CCDC178: variants seen among roughly 807,000 people sequenced by gnomAD.
CCDC178 encodes coiled-coil domain containing 178.
A neutral mutation model predicts 117.4 loss-of-function variants in CCDC178; 126 were observed. The ratio of observed to expected loss-of-function variants is 1.07; its 90% CI spans 0.93 to 1.24. CCDC178 has a LOEUF of 1.24. Ranked by LOEUF, CCDC178 falls within the 50% of genes most tolerant of loss-of-function variation. The pLI, the probability that CCDC178 is intolerant of heterozygous loss-of-function variation, is 0.00. For synonymous variants in CCDC178, 283 were observed against 313.4 expected (o/e 0.90, Z 1.02); for missense variants, 1,030 against 986.9 (o/e 1.04, Z -0.59).
At chr18:32,991,280 AG>A (rs1243832417) in intron 21 of CCDC178, among the ~76,000 whole-genome samples, 1 of 152,186 alleles carries the variant, frequency 6.6e-6, no homozygotes, top group Non-Finnish European at 1.5e-5. Context: ...CAAATTAAAC[AG>A]TTAAATTTAG....
chr18:33,385,811 GCAAA>G (rs1284319843), intron 5 of CCDC178, among the ~76,000 whole-genome samples: 1 of 152,064 alleles, frequency 6.6e-6, no homozygotes, highest in African/African-American at 2.4e-5. Context: ...AGAACAAAGA[GCAAA>G]CAAACTCCAG....
chr18:33,308,426 G>C (rs1244109856), intron 11 of CCDC178, among the ~76,000 whole-genome samples: 1 of 152,174 alleles, frequency 6.6e-6, no homozygotes, highest in Non-Finnish European at 1.5e-5. Context: ...TGTCTAGGGA[G>C]TAACTAACTT....
intron 12 of CCDC178, among the ~76,000 whole-genome samples, chr18:33,291,417 A>G (rs1307100480): frequency 1.3e-5 from 2 of 152,126 alleles, no homozygotes; most frequent in Non-Finnish European, 2.9e-5. Flanking sequence ...GCAGGTTTTC[A>G]CAGAAAAGGA....
intron 20 of CCDC178, among the ~76,000 whole-genome samples, chr18:33,127,264 C>T (rs1471838030): frequency 6.6e-6 from 1 of 151,864 alleles, no homozygotes; most frequent in Non-Finnish European, 1.5e-5. Flanking sequence ...GTGGAGATCA[C>T]TTTCATAGTA....
intron 20 of CCDC178, among the ~76,000 whole-genome samples, chr18:33,174,449 C>A (rs2058639955): frequency 6.6e-6 from 1 of 152,086 alleles, no homozygotes; most frequent in Admixed American, 6.6e-5. Flanking sequence ...AGAGCATGGG[C>A]TCTTAAATGT....
chr18:33,324,420 G>T (rs980847792), intron 10 of CCDC178, among the ~76,000 whole-genome samples: 1 of 151,760 alleles, frequency 6.6e-6, no homozygotes, highest in Admixed American at 6.6e-5. Context: ...TTCTTCAAAC[G>T]TACTGTTAAA....
intron 20 of CCDC178, among the ~76,000 whole-genome samples, chr18:33,135,388 TTAAAA>T (rs2058112406): frequency 6.6e-6 from 1 of 152,162 alleles, no homozygotes; most frequent in African/African-American, 2.4e-5. Context: ...AAAATATAAA[TTAAAA>T]TCTGTCTGAT....
chr18:33,320,322 A>T (rs1417314482), intron 11 of CCDC178, among the ~76,000 whole-genome samples: 2 of 152,224 alleles, frequency 1.3e-5, no homozygotes, highest in Non-Finnish European at 2.9e-5. Flanking sequence ...TGCAGACGAC[A>T]TGATTGTATA....
chr18:33,087,203 T>C (rs986579592), intron 21 of CCDC178, among the ~76,000 whole-genome samples: 1 of 152,192 alleles, frequency 6.6e-6, no homozygotes. Context: ...GCATGAAAGA[T>C]ACATAAATTG....
rs1213637087 is a variant in CCDC178, at chr18:33,112,743, A to G, written c.2239-19833T>C. 2.0e-5 allele frequency among the ~76,000 whole-genome samples: 3 copies of G among 151,858 alleles called. No individual in the cohort carries two copies. In the East Asian group the frequency reaches 5.9e-4, roughly 30 times the overall value. ...GAACAAGATCAGCACTTGGGCTCCA[A>G]TCATCTTCCCTATTATTATCACTCC... is the stretch of plus-strand genomic sequence containing the variant. On this transcript the variant is annotated intron_variant, in intron 20 of 22. Transcript: ENST00000383096.
At position 33,293,287 on chromosome 18, in the gene CCDC178, G is replaced by C. The variant is rs1268614261; in HGVS notation, c.1048C>G (p.Leu350Val). The change falls in exon 12 of 23, where the codon CTA becomes GTA. Residue 350 changes from leucine (L) to valine (V), a missense_variant. Transcript: ENST00000383096. ...YKREIYQLNSLFDHYSSSVIN... is the reference protein window; with the variant it reads ...YKREIYQLNSVFDHYSSSVIN... The stretch of plus-strand genomic sequence containing the variant: ...ACTGATGAAGAGTAATGATCAAATA[G>C]ACTGTTAAGTTGATATATCTCTCTC... The C allele has an allele frequency of 2.0e-6, 3 of 1,526,264 alleles. 1 individual carries two copies. In the South Asian group the frequency reaches 3.5e-5, roughly 18 times the overall value. The allele number at this position is 1,526,264 out of a possible 1,614,324, so 94.5% of individuals were successfully genotyped here.
intron 20 of CCDC178, among the ~76,000 whole-genome samples, chr18:33,209,212 TA>T (rs1489710844): frequency 2.0e-5 from 3 of 152,038 alleles, no homozygotes; most frequent in Non-Finnish European, 2.9e-5. Flanking sequence ...ATGACATTAT[TA>T]AAAAATCTAC....
At chr18:33,146,994 C>A (rs1598930859) in intron 20 of CCDC178, among the ~76,000 whole-genome samples, 2 of 152,168 alleles carry the variant, frequency 1.3e-5, no homozygotes, top group African/African-American at 4.8e-5. Flanking sequence ...AACTGTGAAG[C>A]CCTGATCCTG....
intron 20 of CCDC178, among the ~76,000 whole-genome samples, chr18:33,195,111 T>A: frequency 8.0e-6 from 1 of 125,592 alleles, no homozygotes; most frequent in African/African-American, 3.4e-5. Context: ...AGCAAGGCAC[T>A]GTCTCTTAAA....
chr18:32,966,163 T>G (rs2054809592), intron 22 of CCDC178, among the ~76,000 whole-genome samples: 2 of 151,790 alleles, frequency 1.3e-5, no homozygotes, highest in Admixed American at 1.3e-4. Flanking sequence ...ATTTTGGATA[T>G]TTACTTTTAT....
intron 20 of CCDC178, among the ~76,000 whole-genome samples, chr18:33,125,647 C>T (rs144117274): frequency 9.7e-4 from 147 of 152,208 alleles, no homozygotes; most frequent in Admixed American, 1.6e-3. Flanking sequence ...ATAGATCTTA[C>T]CTCTAGTAGA....
At chr18:33,212,260 G>T (rs1452938271) in intron 19 of CCDC178, among the ~76,000 whole-genome samples, 1 of 151,962 alleles carries the variant, frequency 6.6e-6, no homozygotes, top group Non-Finnish European at 1.5e-5. Context: ...ATCTATGGAA[G>T]AACAGTGTAT....
chr18:33,132,067 G>T (rs574669458), intron 20 of CCDC178, among the ~76,000 whole-genome samples: 1 of 143,532 alleles, frequency 7.0e-6, no homozygotes, highest in East Asian at 2.1e-4. Context: ...ATTTTTTAAC[G>T]ACTTTTAACT....
intron 5 of CCDC178, among the ~76,000 whole-genome samples, chr18:33,375,035 T>C (rs2144773175): frequency 6.6e-6 from 1 of 152,272 alleles, no homozygotes; most frequent in Middle Eastern, 3.4e-3. Flanking sequence ...GGGGTGGTGG[T>C]TAAATGGATG....
Sources: gnomAD v4.1 joint callset for allele counts (sites outside exome capture counted in the v4.1 genomes callset) on GRCh38, gnomAD v4.1.1 for gene constraint, MANE v1.5 for transcripts, NCBI Gene and HGNC (gene_info 2026-07-23, HGNC 2026-07-21) for gene names.